Variants in ALMS1 observed in about 807,000 individuals in gnomAD.
The protein encoded by ALMS1 is centrosome-associated protein ALMS1.
Under a neutral mutation model 352.2 loss-of-function variants are expected in ALMS1, and 271 were observed. The observed-to-expected ratio is 0.77, with a 90% CI of 0.70 to 0.85. The LOEUF (loss-of-function observed/expected upper bound fraction) is 0.85. Ranked by LOEUF, ALMS1 falls within the 40% of genes least tolerant of loss-of-function variation. The pLI is 0.00. For missense variants in ALMS1, 5,445 were observed against 4,870.7 expected, an observed-to-expected ratio of 1.12 and a Z score of -3.51; for synonymous variants, 1,865 against 1,761.2, an observed-to-expected ratio of 1.06 and a Z score of -1.48.
At chr2:73,550,231 A>G (rs761410813) in intron 12 of ALMS1, 36 bp from the exon 13 acceptor site, 16 of 1,611,420 alleles carry the variant, frequency 9.9e-6, no homozygotes, top group African/African-American at 1.3e-5. Flanking sequence ...TCATGTCGCT[A>G]TTTGTGTTTT....
rs1672001967 is a variant in ALMS1, at chr2:73,453,809, T to G, written c.7282T>G (p.Trp2428Gly). 1.2e-6 allele frequency: 2 copies of G among 1,614,154 alleles called. No homozygotes were observed. The highest frequency in any genetic ancestry group is 1.7e-6 in the Non-Finnish European group (2 of 1,180,014). Residue 2428 changes from tryptophan (W) to glycine (G), a missense_variant, in exon 8 of 23, where the codon TGG becomes GGG. Trp to Gly is a radical substitution (Grantham distance 184). Coordinates refer to ENST00000613296, the MANE Select transcript of ALMS1 (RefSeq NM_001378454.1). ...DASDGNGSCS[W>G]DSNLPESLES... ...CAGTGATGGAAATGGTTCCTGCTCG[T>G]GGGACAGTAATTTACCAGAGTCTTT...
intron 11 of ALMS1, among the ~76,000 whole-genome samples, chr2:73,524,612 C>T (rs536364639): frequency 1.3e-5 from 2 of 152,228 alleles, no homozygotes; most frequent in South Asian, 4.1e-4. Flanking sequence ...GCCACCACGC[C>T]TGGCTAATTT....
rs914547297 is a variant in ALMS1, at chr2:73,401,196, G to T, written c.325-7426G>T. Among the ~76,000 whole-genome samples, 6 of 151,112 alleles carry T rather than the reference G, an allele frequency of 4.0e-5. No individual in the cohort carries two copies. In the East Asian group the frequency reaches 9.6e-4, roughly 24 times the overall value. On this transcript the variant is annotated intron_variant, in intron 1 of 22. Transcript: ENST00000613296. ...AAGAACCAGCATTTAAGCTTTTACT[G>T]ATTTTCTCTCTTTATTTGCTATTCT...
intron 3 of ALMS1, among the ~76,000 whole-genome samples, chr2:73,421,293 G>T (rs988472397): frequency 4.0e-5 from 6 of 151,882 alleles, no homozygotes; most frequent in African/African-American, 1.5e-4. Flanking sequence ...AATTTTTTTT[G>T]AGAAAAGACT....
At chr2:73,561,222 A>C (rs1235474227) in intron 15 of ALMS1, among the ~76,000 whole-genome samples, 4 of 152,220 alleles carry the variant, frequency 2.6e-5, no homozygotes, top group Non-Finnish European at 5.9e-5. Flanking sequence ...CAGGCTTCTC[A>C]TGACCTTCAT....
chr2:73,608,355 T>A, intron 21 of ALMS1, 120 bp from the exon 22 acceptor site: 1 of 821,588 alleles, frequency 1.2e-6, no homozygotes, highest in South Asian at 1.4e-5. Flanking sequence ...AGGGCCTTTC[T>A]GAGAGGGATG....
chr2:73,470,733 T>G (rs1192378670), intron 9 of ALMS1: 1 of 151,898 alleles, frequency 6.6e-6, no homozygotes, highest in East Asian at 1.9e-4. Context: ...TGCTAATTGC[T>G]ATTTTTCCCT....
chr2:73,466,987 T>G (rs889865495), intron 9 of ALMS1, among the ~76,000 whole-genome samples: 8 of 152,174 alleles, frequency 5.3e-5, no homozygotes, highest in African/African-American at 1.9e-4. Flanking sequence ...GTCCCCTACA[T>G]CATACCTTAC....
At chr2:73,462,357 A>G (rs552747182) in intron 9 of ALMS1, among the ~76,000 whole-genome samples, 1 of 152,216 alleles carries the variant, frequency 6.6e-6, no homozygotes, top group East Asian at 1.9e-4. Context: ...AGCGAAACTA[A>G]GCTTCATAAG....
chr2:73,398,078 A>G (rs755298056), intron 1 of ALMS1, among the ~76,000 whole-genome samples: 4 of 152,172 alleles, frequency 2.6e-5, no homozygotes, highest in South Asian at 2.1e-4. Context: ...ATTTTCTCCT[A>G]TGTTATCTTC....
chr2:73,400,931 T>C (rs1249282784), intron 1 of ALMS1, among the ~76,000 whole-genome samples: 2 of 152,058 alleles, frequency 1.3e-5, no homozygotes. Context: ...GGATTATAGG[T>C]GTGTGCCACT....
chr2:73,601,479 A>C lies in ALMS1; in HGVS notation c.12114+43A>C, dbSNP rs753127101. On this transcript the variant is annotated intron_variant, in intron 19 of 22. Transcript: ENST00000613296. ...TAACTTTAATGCTACGTGTAGGGAG[A>C]AGAAGGGCAAGGCGCAGAGAAGCTG... The C allele has an allele frequency of 7.5e-6, 12 of 1,603,756 alleles. No homozygotes were observed. The Admixed American group carries it at 8.6e-5, about 11-fold the overall frequency.
intron 1 of ALMS1, among the ~76,000 whole-genome samples, chr2:73,407,812 C>A (rs540709998): frequency 6.6e-6 from 1 of 152,272 alleles, no homozygotes; most frequent in African/African-American, 2.4e-5. Context: ...CCTGCCTTGG[C>A]CTCCCAAAGT....
chr2:73,560,528 A>G (rs960455307), intron 15 of ALMS1, among the ~76,000 whole-genome samples: 1 of 152,206 alleles, frequency 6.6e-6, no homozygotes, highest in Non-Finnish European at 1.5e-5. Context: ...TGATCCCGCA[A>G]TCCCACTGCC....
rs1384040049 is a variant in ALMS1, at chr2:73,453,702, C to T, written c.7175C>T (p.Pro2392Leu). Residue 2392 changes from proline to leucine, a missense_variant, in exon 8 of 23, where the codon CCT (proline) becomes CTT (leucine). Physicochemically the swap from Pro to Leu is moderately conservative, Grantham distance 98 (BLOSUM62 -3). Coordinates refer to ENST00000613296, the MANE Select transcript of ALMS1 (RefSeq NM_001378454.1). ...GCCAAATCTGTAATGAGGTCTGAACCTGAAGGGTGTAGTGGAACCATTGGG... is the reference window on the plus strand; with the variant it reads ...GCCAAATCTGTAATGAGGTCTGAACTTGAAGGGTGTAGTGGAACCATTGGG... ...QAAKSVMRSE[P>L]EGCSGTIGNK... 1 of 1,614,092 alleles carries T rather than the reference C, an allele frequency of 6.2e-7. No homozygotes were observed. Among genetic ancestry groups the T allele is most frequent in the Non-Finnish European group, 8.5e-7 (1 of 1,180,002 alleles).
chr2:73,538,561 G>A lies in ALMS1; in HGVS notation c.9907+3612G>A, dbSNP rs547671815. Reference sequence around the variant, plus strand: ...TGCAGGACAGTGGGTGCAGCACACCGAGCGTGAGCCGAAGCAGGGCAAGGC... The same window carrying A: ...TGCAGGACAGTGGGTGCAGCACACCAAGCGTGAGCCGAAGCAGGGCAAGGC... On this transcript the variant is annotated intron_variant, in intron 12 of 22. Coordinates refer to ENST00000613296, the MANE Select transcript of ALMS1 (RefSeq NM_001378454.1). Among the ~76,000 whole-genome samples the A allele has an allele frequency of 2.6e-3, 389 of 152,222 alleles. 2 individuals are homozygous for A. The highest frequency in any genetic ancestry group is 4.0e-3 in the Non-Finnish European group (271 of 68,000).
At chr2:73,470,398 T>A (rs973450879) in intron 9 of ALMS1, 5 of 151,810 alleles carry the variant, frequency 3.3e-5, no homozygotes, top group East Asian at 1.9e-4. Context: ...TTGTCTTTTT[T>A]AAAATTTTCC....
At chr2:73,601,110 A>T (rs894788886) in intron 18 of ALMS1, 85 bp from the exon 19 acceptor site, 1 of 1,598,684 alleles carries the variant, frequency 6.3e-7, no homozygotes, top group Non-Finnish European at 8.6e-7. Flanking sequence ...GAGAACCTGT[A>T]TTATATGCAT....
intron 15 of ALMS1, among the ~76,000 whole-genome samples, chr2:73,563,226 GA>G (rs1297188226): frequency 6.6e-6 from 1 of 151,994 alleles, no homozygotes; most frequent in Non-Finnish European, 1.5e-5. Context: ...GTATCAAAAA[GA>G]AATTTGGGGA....
Sources: allele counts gnomAD v4.1 joint callset (sites outside exome capture counted in the v4.1 genomes callset), GRCh38; gene constraint gnomAD v4.1.1; transcripts MANE v1.5; gene names NCBI Gene and HGNC (gene_info 2026-07-23, HGNC 2026-07-21).